WIPF1: variants seen among roughly 807,000 people sequenced by gnomAD.
WIPF1 encodes the protein WAS/WASL-interacting protein family member 1.
WIPF1 carries 13 observed loss-of-function variants against 35.4 expected under a neutral mutation model. That is an observed-to-expected ratio of 0.37 (90% CI 0.24 to 0.58). The LOEUF is 0.58. WIPF1 is among the 20% of genes least tolerant of loss of function. The probability of loss-of-function intolerance (pLI) is 0.74; values close to 1 mark genes in which losing one functional copy is unlikely to be tolerated. For synonymous variants in WIPF1, 267 were observed against 266.3 expected (o/e 1.00, Z -0.02); for missense variants, 591 against 667.0 (o/e 0.89, Z 1.25).
chr2:174,665,683 GTTT>G (rs1239662884), intron 1 of WIPF1: 3 of 152,308 alleles, frequency 2.0e-5, no homozygotes, highest in African/African-American at 7.2e-5. Context: ...CATGGAAATT[GTTT>G]TATAAAACTT....
chr2:174,666,338 G>GA (rs1227566096), intron 1 of WIPF1, among the ~76,000 whole-genome samples: 1 of 152,170 alleles, frequency 6.6e-6, no homozygotes, highest in Non-Finnish European at 1.5e-5. Context: ...CCAGCCCCAG[G>GA]AATCTATACA....
At chr2:174,606,750 C>T (rs952084717) in intron 1 of WIPF1, among the ~76,000 whole-genome samples, 5 of 152,196 alleles carry the variant, frequency 3.3e-5, no homozygotes, top group African/African-American at 1.2e-4. Flanking sequence ...TTCTCTTCCC[C>T]GAGGTCTTAG....
intron 1 of WIPF1, among the ~76,000 whole-genome samples, chr2:174,618,222 C>A (rs1444164538): frequency 1.3e-5 from 2 of 152,240 alleles, no homozygotes; most frequent in Non-Finnish European, 2.9e-5. Context: ...CTGGACCAGG[C>A]CAGCCAGGCC....
At chr2:174,615,094 T>C (rs749199494) in intron 1 of WIPF1, among the ~76,000 whole-genome samples, 19 of 152,336 alleles carry the variant, frequency 1.2e-4, no homozygotes, top group Middle Eastern at 3.4e-3. Flanking sequence ...TTAAAAAAGT[T>C]TTAAAGTTAT....
intron 1 of WIPF1, chr2:174,673,216 GC>G (rs1456995930): frequency 6.6e-6 from 1 of 152,202 alleles, no homozygotes; most frequent in Non-Finnish European, 1.5e-5. Context: ...TTCACAGCAA[GC>G]CAGGCACTTG....
chr2:174,670,001 G>A lies in WIPF1; in HGVS notation c.-39+12773C>T, dbSNP rs1687974152. Among the ~76,000 whole-genome samples the A allele has an allele frequency of 2.0e-5, 3 of 152,202 alleles. No homozygotes were observed. In the South Asian group the frequency reaches 6.2e-4, roughly 32 times the overall value. On this transcript the variant is annotated intron_variant, in intron 1 of 8. Coordinates refer to the WIPF1 transcript ENST00000272746. ...TAGGACATGACAAGGAGTTTTCAAGGGGAGGAGGGGAGGGCACTCTTGCAA... is the reference window on the plus strand; with the variant it reads ...TAGGACATGACAAGGAGTTTTCAAGAGGAGGAGGGGAGGGCACTCTTGCAA...
At chr2:174,637,620 T>A (rs1165779095) in intron 1 of WIPF1, among the ~76,000 whole-genome samples, 1 of 152,116 alleles carries the variant, frequency 6.6e-6, no homozygotes, top group East Asian at 1.9e-4. Context: ...ACCCCGTCTC[T>A]ACTAAAAATA....
chr2:174,660,979 A>T (rs1268684569), intron 1 of WIPF1, among the ~76,000 whole-genome samples: 1 of 152,232 alleles, frequency 6.6e-6, no homozygotes, highest in Non-Finnish European at 1.5e-5. Flanking sequence ...TGAAGTCAAG[A>T]GGGGCGAGGG....
At chr2:174,670,342 G>A (rs752882039) in intron 1 of WIPF1, among the ~76,000 whole-genome samples, 2 of 152,126 alleles carry the variant, frequency 1.3e-5, no homozygotes, top group Non-Finnish European at 2.9e-5. Flanking sequence ...GAGCTGACAG[G>A]GAGCACAGGG....
At chr2:174,614,178 T>C (rs1475439982) in intron 1 of WIPF1, among the ~76,000 whole-genome samples, 1 of 152,264 alleles carries the variant, frequency 6.6e-6, no homozygotes, top group Non-Finnish European at 1.5e-5. Flanking sequence ...TTTATGTTCA[T>C]TAACTTGTTT....
At chr2:174,569,685 A>G (rs978396929) in intron 5 of WIPF1, among the ~76,000 whole-genome samples, 5 of 152,222 alleles carry the variant, frequency 3.3e-5, no homozygotes, top group African/African-American at 4.8e-5. Context: ...GCCAGGAAAT[A>G]AGATAACCAC....
At chr2:174,672,395 C>G (rs1688037306) in intron 1 of WIPF1, among the ~76,000 whole-genome samples, 1 of 152,142 alleles carries the variant, frequency 6.6e-6, no homozygotes, top group Non-Finnish European at 1.5e-5. Context: ...AACCTCGGTG[C>G]AATAGAAAGA....
chr2:174,565,630 T>G (rs949212821), intron 7 of WIPF1, among the ~76,000 whole-genome samples: 1 of 152,222 alleles, frequency 6.6e-6, no homozygotes, highest in Non-Finnish European at 1.5e-5. Flanking sequence ...CTATAAGGTT[T>G]GGAACCAACC....
chr2:174,584,004 T>C (rs1168975952), intron 2 of WIPF1, among the ~76,000 whole-genome samples: 1 of 152,114 alleles, frequency 6.6e-6, no homozygotes, highest in African/African-American at 2.4e-5. Context: ...TTAACATTTT[T>C]TTTGTAGATA....
At chr2:174,577,598 T>C (rs1157611390) in intron 3 of WIPF1, among the ~76,000 whole-genome samples, 1 of 152,198 alleles carries the variant, frequency 6.6e-6, no homozygotes, top group East Asian at 1.9e-4. Flanking sequence ...GATGGTCTTT[T>C]TTATTTGATA....
intron 1 of WIPF1, among the ~76,000 whole-genome samples, chr2:174,606,900 G>T (rs917563656): frequency 2.6e-5 from 4 of 152,186 alleles, no homozygotes; most frequent in African/African-American, 9.7e-5. Flanking sequence ...TTATGAAAAG[G>T]CCAGATACGG....
At chr2:174,635,122 G>C (rs1398701840) in intron 1 of WIPF1, among the ~76,000 whole-genome samples, 1 of 152,176 alleles carries the variant, frequency 6.6e-6, no homozygotes, top group African/African-American at 2.4e-5. Context: ...TACACACCCT[G>C]AATTTCCTGG....
At chr2:174,585,827 A>G (rs1170943527) in intron 1 of WIPF1, among the ~76,000 whole-genome samples, 2 of 152,180 alleles carry the variant, frequency 1.3e-5, no homozygotes, top group Non-Finnish European at 2.9e-5. Flanking sequence ...TGGAGGCCAC[A>G]TCCAGTGCCT....
chr2:174,568,685 C>T (rs1275377610), intron 5 of WIPF1: 7 of 152,276 alleles, frequency 4.6e-5, no homozygotes, highest in African/African-American at 7.2e-5. Flanking sequence ...GAGTGACAAA[C>T]AGCTAATCAA....
Sources: gnomAD v4.1 joint callset for allele counts (sites outside exome capture counted in the v4.1 genomes callset) on GRCh38, gnomAD v4.1.1 for gene constraint, MANE v1.5 for transcripts, NCBI Gene and HGNC (gene_info 2026-07-23, HGNC 2026-07-21) for gene names.